LRRC4C: variants seen among roughly 807,000 people sequenced by gnomAD.
The protein encoded by LRRC4C is leucine rich repeat containing 4C, also known as leucine-rich repeat-containing protein 4C.
LRRC4C carries 5 observed loss-of-function variants against 33.6 expected under a neutral mutation model. The observed-to-expected ratio is 0.15, with a 90% CI of 0.08 to 0.31. The LOEUF (loss-of-function observed/expected upper bound fraction) is 0.31. Among genes scored for constraint, LRRC4C ranks in the 10% least tolerant of loss-of-function variants. The pLI is 1.00. For synonymous variants in LRRC4C, 329 were observed against 302.0 expected (o/e 1.09, Z -0.93); for missense variants, 560 against 796.7 (o/e 0.70, Z 3.58).
At chr11:40,821,275 T>C (rs1340941908) in intron 2 of LRRC4C, among the ~76,000 whole-genome samples, 2 of 151,684 alleles carry the variant, frequency 1.3e-5, no homozygotes, top group African/African-American at 4.8e-5. Flanking sequence ...GCACTATTTT[T>C]TGGGGAAATT....
rs72883446 is a variant in LRRC4C, at chr11:40,533,451, G to A, written c.-270+114691C>T. ...TGCCTCAGGGTCTCTTTTTGCCTTT[G>A]ATTTTCCTCATCTGGTCTCTGATTG... On this transcript the variant is annotated intron_variant, in intron 3 of 6. Coordinates refer to ENST00000528697, the MANE Select transcript of LRRC4C (RefSeq NM_001258419.2). 3.8e-3 allele frequency among the ~76,000 whole-genome samples: 544 copies of A among 144,050 alleles called. 2 individuals are homozygous for A. Among genetic ancestry groups the A allele is most frequent in the Non-Finnish European group, 6.1e-3 (406 of 66,398 alleles). The allele number at this position is 144,050 out of a possible 152,430, so 94.5% of individuals were successfully genotyped here. A position where few individuals can be genotyped will look rare whatever the true frequency, so the allele number is the denominator to read the frequency against.
chr11:40,765,845 GA>G (rs1949424303), intron 2 of LRRC4C, among the ~76,000 whole-genome samples: 1 of 152,008 alleles, frequency 6.6e-6, no homozygotes, highest in African/African-American at 2.4e-5. Context: ...AAAATAGTCT[GA>G]AAAAAGCAAA....
In LRRC4C at chr11:41,242,348, C is replaced by T. The variant is rs187337599; in HGVS notation, c.-496+217083G>A. Among the ~76,000 whole-genome samples, 1,417 of 152,120 alleles carry T rather than the reference C, an allele frequency of 9.3e-3. 9 individuals carry two copies. The highest frequency in any genetic ancestry group is 0.015 in the Admixed American group (230 of 15,266). On this transcript the variant is annotated intron_variant, in intron 1 of 6. Transcript: ENST00000528697. The stretch of plus-strand genomic sequence containing the variant: ...ACCCTAGTTTTTTCCACATTTATTT[C>T]CCTCTTTGCTTTGAAATTTTTCATG...
intron 1 of LRRC4C, among the ~76,000 whole-genome samples, chr11:40,935,448 A>G (rs1957828616): frequency 2.0e-5 from 3 of 152,228 alleles, no homozygotes; most frequent in Non-Finnish European, 4.4e-5. Flanking sequence ...CACTTATATG[A>G]CGGTGGTCTC....
chr11:40,229,359 G>A (rs1304220873), intron 5 of LRRC4C, among the ~76,000 whole-genome samples: 12 of 151,946 alleles, frequency 7.9e-5, no homozygotes, highest in South Asian at 4.2e-4. Flanking sequence ...TGCAACTTCC[G>A]CCTCCCGGGT....
At position 41,401,568 on chromosome 11, in the gene LRRC4C, G is replaced by A. The variant is rs1332970102; in HGVS notation, c.-496+57863C>T. ...CAATGCAATAGGCCAGTCATGGGGC[G>A]GACAAAGGATTTAACTGGCAAAGGA... On this transcript the variant is annotated intron_variant, in intron 1 of 6. Transcript: ENST00000528697. Among the ~76,000 whole-genome samples the A allele has an allele frequency of 2.0e-5, 3 of 151,698 alleles. No homozygotes were observed. In the South Asian group the frequency reaches 6.2e-4, roughly 32 times the overall value.
chr11:40,513,093 C>A (rs1373015000), intron 3 of LRRC4C, among the ~76,000 whole-genome samples: 1 of 151,742 alleles, frequency 6.6e-6, no homozygotes, highest in South Asian at 2.1e-4. Context: ...ACTACAAATA[C>A]AAAAAATTAG....
At chr11:41,372,064 G>T (rs1482801820) in intron 1 of LRRC4C, among the ~76,000 whole-genome samples, 3 of 152,196 alleles carry the variant, frequency 2.0e-5, no homozygotes, top group Non-Finnish European at 4.4e-5. Context: ...GTGAACCCCG[G>T]AGGCAGAAAT....
intron 2 of LRRC4C, among the ~76,000 whole-genome samples, chr11:40,809,248 C>T (rs1951380853): frequency 6.6e-6 from 1 of 152,134 alleles, no homozygotes; most frequent in Non-Finnish European, 1.5e-5. Context: ...TGCTGAACTG[C>T]TCTTGTCAAA....
At chr11:40,358,792 G>A (rs1947806214) in intron 3 of LRRC4C, among the ~76,000 whole-genome samples, 1 of 152,200 alleles carries the variant, frequency 6.6e-6, no homozygotes, top group Admixed American at 6.5e-5. Flanking sequence ...CTATGCTCCT[G>A]TTTTTGATAG....
chr11:41,188,502 G>C (rs991216849), intron 1 of LRRC4C, among the ~76,000 whole-genome samples: 1 of 151,918 alleles, frequency 6.6e-6, no homozygotes, highest in African/African-American at 2.4e-5. Flanking sequence ...GTGATTCCAA[G>C]CAGAAGTAAT....
chr11:40,350,552 T>C (rs1947336707), intron 3 of LRRC4C, among the ~76,000 whole-genome samples: 1 of 152,148 alleles, frequency 6.6e-6, no homozygotes, highest in African/African-American at 2.4e-5. Context: ...TTCTTTTTGC[T>C]CAGAATGGCT....
At chr11:41,126,570 T>C (rs865937287) in intron 1 of LRRC4C, among the ~76,000 whole-genome samples, 1 of 152,004 alleles carries the variant, frequency 6.6e-6, no homozygotes, top group Non-Finnish European at 1.5e-5. Flanking sequence ...ATTGCTATAG[T>C]ACTAACTCCA....
At chr11:41,272,953 A>T (rs1350632598) in intron 1 of LRRC4C, among the ~76,000 whole-genome samples, 3 of 152,192 alleles carry the variant, frequency 2.0e-5, no homozygotes, top group Non-Finnish European at 4.4e-5. Flanking sequence ...CTTAATGCTT[A>T]GTTCATGCAT....
At chr11:40,816,337 A>T (rs982292765) in intron 2 of LRRC4C, among the ~76,000 whole-genome samples, 2 of 152,228 alleles carry the variant, frequency 1.3e-5, no homozygotes, top group South Asian at 2.1e-4. Flanking sequence ...ATCAGAGAGC[A>T]GAAAGCACAG....
chr11:41,002,435 T>C (rs1256905402), intron 1 of LRRC4C, among the ~76,000 whole-genome samples: 2 of 152,122 alleles, frequency 1.3e-5, no homozygotes, highest in African/African-American at 4.8e-5. Flanking sequence ...TTAGAGCAAA[T>C]CTCAAGGGAA....
intron 2 of LRRC4C, among the ~76,000 whole-genome samples, chr11:40,668,297 T>C (rs997811510): frequency 1.3e-5 from 2 of 152,188 alleles, no homozygotes; most frequent in Non-Finnish European, 2.9e-5. Context: ...TTTTAAAACA[T>C]GGAAAGAGTT....
intron 3 of LRRC4C, among the ~76,000 whole-genome samples, chr11:40,529,867 C>T (rs1002755535): frequency 2.0e-5 from 3 of 152,096 alleles, no homozygotes; most frequent in African/African-American, 7.2e-5. Context: ...TTGTAGATGT[C>T]TGCTTACTAT....
In LRRC4C at chr11:40,598,321, G is replaced by A. The variant is rs571821464; in HGVS notation, c.-270+49821C>T. On this transcript the variant is annotated intron_variant, in intron 3 of 6. Coordinates refer to ENST00000528697, the MANE Select transcript of LRRC4C (RefSeq NM_001258419.2). ...AACAAAGAGCCTCAAAACTGATTCT[G>A]TTCCTAGAACAGAAAATGGCTAAGG... 2.2e-4 allele frequency among the ~76,000 whole-genome samples: 33 copies of A among 152,272 alleles called. No individual in the cohort carries two copies. The East Asian group carries it at 2.5e-3, about 12-fold the overall frequency.
Sources: gnomAD v4.1 joint callset for allele counts (sites outside exome capture counted in the v4.1 genomes callset) on GRCh38, gnomAD v4.1.1 for gene constraint, MANE v1.5 for transcripts, NCBI Gene and HGNC (gene_info 2026-07-23, HGNC 2026-07-21) for gene names.